The following MAP3K5 variants were observed in gnomAD, a reference collection of about 807,000 sequenced individuals.
MAP3K5 encodes mitogen-activated protein kinase kinase kinase 5.
A neutral mutation model predicts 158.7 loss-of-function variants in MAP3K5; 56 were observed. The ratio of observed to expected loss-of-function variants is 0.35; its 90% CI spans 0.28 to 0.44. The LOEUF (loss-of-function observed/expected upper bound fraction) is 0.44. MAP3K5 is among the 20% of genes least tolerant of loss of function. The probability of loss-of-function intolerance (pLI) is 1.00; values close to 1 mark genes in which losing one functional copy is unlikely to be tolerated. For synonymous variants in MAP3K5, 579 were observed against 601.7 expected (o/e 0.96, Z 0.55); for missense variants, 1,294 against 1,674.8 (o/e 0.77, Z 3.97).
At chr6:136,584,909 G>A (rs1775050180) in intron 23 of MAP3K5, among the ~76,000 whole-genome samples, 1 of 152,038 alleles carries the variant, frequency 6.6e-6, no homozygotes, top group African/African-American at 2.4e-5. Context: ...CATGTCCTTG[G>A]TACTTCAGTT....
chr6:136,749,852 C>T (rs1783122053), intron 1 of MAP3K5, among the ~76,000 whole-genome samples: 1 of 152,130 alleles, frequency 6.6e-6, no homozygotes, highest in Non-Finnish European at 1.5e-5. Context: ...CTGGGGCAGG[C>T]TGTGCTTTGC....
chr6:136,710,188 A>G (rs1781249790), intron 2 of MAP3K5, among the ~76,000 whole-genome samples: 1 of 152,232 alleles, frequency 6.6e-6, no homozygotes, highest in Non-Finnish European at 1.5e-5. Context: ...TTTGTATTAA[A>G]TCCACTAAAG....
Position 136,691,609 on chromosome 6 carries a change from CA to C in MAP3K5, c.1253+2530del, listed in dbSNP as rs540437204. 6.6e-3 allele frequency among the ~76,000 whole-genome samples: 779 copies of C among 117,712 alleles called. 9 individuals carry two copies. Among genetic ancestry groups the C allele is most frequent in the East Asian group, 0.047 (181 of 3,836 alleles). 77.2% of individuals were successfully genotyped at this position (117,712 alleles called of 152,430 possible). On this transcript the variant is annotated intron_variant, in intron 7 of 29. Transcript: ENST00000359015. ...CTGGGCAACAGAGCAAGATTCGTCT[CA>C]AAAAAAAAAAAAAAAGTATTTAGAC...
chr6:136,568,868 A>C (rs937775751), intron 25 of MAP3K5, among the ~76,000 whole-genome samples: 4 of 151,722 alleles, frequency 2.6e-5, no homozygotes, highest in Admixed American at 2.0e-4. Context: ...AAAAAAAAAA[A>C]AAAAAAAAAA....
At chr6:136,753,730 C>A (rs1369951428) in intron 1 of MAP3K5, among the ~76,000 whole-genome samples, 3 of 152,130 alleles carry the variant, frequency 2.0e-5, no homozygotes, top group African/African-American at 7.2e-5. Flanking sequence ...ATGAATCAGA[C>A]CTCAGGTAGC....
At chr6:136,654,091 T>C (rs1272019654) in intron 10 of MAP3K5, among the ~76,000 whole-genome samples, 1 of 152,260 alleles carries the variant, frequency 6.6e-6, no homozygotes, top group Non-Finnish European at 1.5e-5. Context: ...AACACCTATG[T>C]GCCTACCACT....
At chr6:136,741,598 C>T (rs1341816603) in intron 1 of MAP3K5, among the ~76,000 whole-genome samples, 1 of 151,252 alleles carries the variant, frequency 6.6e-6, no homozygotes, top group Non-Finnish European at 1.5e-5. Context: ...AAGCTGTCCC[C>T]TGTCACCACT....
intron 18 of MAP3K5, among the ~76,000 whole-genome samples, 165 bp downstream of exon 18, chr6:136,611,107 CAAAAAAAAAA>C (rs59508317): frequency 1.2e-4 from 3 of 24,454 alleles, no homozygotes; most frequent in Non-Finnish European, 1.7e-4. Flanking sequence ...GACCCTGTCT[CAAAAAAAAAA>C]AAAAAAAAAA....
At chr6:136,791,012 T>C (rs1443445425) in intron 1 of MAP3K5, among the ~76,000 whole-genome samples, 1 of 152,208 alleles carries the variant, frequency 6.6e-6, no homozygotes. Context: ...AATGTTAAAT[T>C]ACAAACTTTC....
At chr6:136,588,494 T>C (rs2129079243) in intron 23 of MAP3K5, among the ~76,000 whole-genome samples, 1 of 152,342 alleles carries the variant, frequency 6.6e-6, no homozygotes, top group East Asian at 1.9e-4. Context: ...TATTACTATA[T>C]GTTTTATATA....
intron 1 of MAP3K5, among the ~76,000 whole-genome samples, chr6:136,765,679 A>AT (rs780589836): frequency 0.066 from 7,970 of 120,004 alleles, 297 homozygotes; most frequent in African/African-American, 0.08. Flanking sequence ...TGCCTGGCTA[A>AT]TTTTTTTTTT....
chr6:136,758,639 G>T (rs963093542), intron 1 of MAP3K5, among the ~76,000 whole-genome samples: 3 of 152,066 alleles, frequency 2.0e-5, no homozygotes, highest in African/African-American at 7.2e-5. Context: ...TTTACCTATG[G>T]ATTAGAAAAA....
chr6:136,610,834 C>T (rs529002974), intron 18 of MAP3K5, among the ~76,000 whole-genome samples: 2 of 151,888 alleles, frequency 1.3e-5, no homozygotes, highest in Non-Finnish European at 2.9e-5. Flanking sequence ...ATTGGCCAGG[C>T]GCAGTGGCTC....
intron 8 of MAP3K5, among the ~76,000 whole-genome samples, chr6:136,664,342 T>C (rs1434377457): frequency 6.6e-6 from 1 of 152,234 alleles, no homozygotes; most frequent in South Asian, 2.1e-4. Context: ...CCACTGATTC[T>C]ACATTATGGA....
chr6:136,591,253 A>G (rs1775372427), intron 23 of MAP3K5, among the ~76,000 whole-genome samples: 2 of 152,182 alleles, frequency 1.3e-5, no homozygotes, highest in Admixed American at 6.5e-5. Flanking sequence ...AGACTAATAC[A>G]TATAGTTTCC....
intron 7 of MAP3K5, among the ~76,000 whole-genome samples, chr6:136,681,931 T>G (rs1333811826): frequency 6.6e-6 from 1 of 151,780 alleles, no homozygotes; most frequent in East Asian, 1.9e-4. Context: ...AAAAAAAAAA[T>G]TATGAATTCT....
chr6:136,605,118 T>C, intron 19 of MAP3K5, 91 bp downstream of exon 19: 1 of 1,337,292 alleles, frequency 7.5e-7, no homozygotes, highest in Non-Finnish European at 1.0e-6. Flanking sequence ...CTTAGCACCC[T>C]TTATCTAAAA....
At chr6:136,634,210 G>A (rs940878055) in intron 14 of MAP3K5, among the ~76,000 whole-genome samples, 1 of 152,162 alleles carries the variant, frequency 6.6e-6, no homozygotes, top group Non-Finnish European at 1.5e-5. Flanking sequence ...ATATAATGGA[G>A]AGTTATAAGT....
chr6:136,622,774 T>G, intron 15 of MAP3K5, 74 bp downstream of exon 15: 4 of 1,452,550 alleles, frequency 2.8e-6, no homozygotes, highest in Non-Finnish European at 3.8e-6. Context: ...TAGAATATCA[T>G]CAAGTATTTT....
Sources: allele counts gnomAD v4.1 joint callset (sites outside exome capture counted in the v4.1 genomes callset), GRCh38; gene constraint gnomAD v4.1.1; transcripts MANE v1.5; gene names NCBI Gene and HGNC (gene_info 2026-07-23, HGNC 2026-07-21).